The following SLC66A2 variants were observed in gnomAD, a reference collection of about 807,000 sequenced individuals.
SLC66A2 encodes solute carrier family 66 member 2, also known as PQ loop repeat containing 1.
Under a neutral mutation model 25.5 loss-of-function variants are expected in SLC66A2, and 23 were observed. The ratio of observed to expected loss-of-function variants is 0.90; its 90% CI spans 0.65 to 1.28. SLC66A2 has a LOEUF of 1.28. Ranked by LOEUF, SLC66A2 falls within the 50% of genes most tolerant of loss-of-function variation. The pLI is 0.00. For synonymous variants in SLC66A2, 193 were observed against 166.5 expected, an observed-to-expected ratio of 1.16 and a Z score of -1.23; for missense variants, 396 against 373.1, an observed-to-expected ratio of 1.06 and a Z score of -0.51.
intron 5 of SLC66A2, among the ~76,000 whole-genome samples, chr18:79,909,820 C>G (rs1431831083): frequency 8.0e-6 from 1 of 124,896 alleles, no homozygotes; most frequent in Non-Finnish European, 1.7e-5. Context: ...GAGTCCCCAA[C>G]CTTCCCCACC....
rs1491566993 is a variant in SLC66A2 at position 79,904,342 on chromosome 18, CAG to C, written c.609-161_609-160del. ...GCAGTCGGCGGGGAGGCCTGGGGCT[CAG>C]GGGGCACCCAGGGGGTTGAGGGGAC... On this transcript the variant is annotated intron_variant, in intron 5 of 5. Transcript: ENST00000397778. This position sits in a 1 kb window ranked among gnomAD's most constrained non-coding sequence, Gnocchi z 6.3. Among the ~76,000 whole-genome samples, 2 of 151,412 alleles carry C rather than the reference CAG, an allele frequency of 1.3e-5. No homozygotes were observed. Among genetic ancestry groups the C allele is most frequent in the Admixed American group, 6.6e-5 (1 of 15,226 alleles).
chr18:79,944,598 G>C (rs183835799), intron 2 of SLC66A2: 10 of 152,474 alleles, frequency 6.6e-5, no homozygotes, highest in African/African-American at 2.4e-4. Flanking sequence ...CTCCAAGGCT[G>C]GGCTGTGTGT....
chr18:79,925,253 G>T (rs530704705), intron 4 of SLC66A2, among the ~76,000 whole-genome samples: 4 of 152,108 alleles, frequency 2.6e-5, no homozygotes, highest in Non-Finnish European at 4.4e-5. Flanking sequence ...TGCTGAGCCC[G>T]ACAGAAATCC....
intron 3 of SLC66A2, 122 bp downstream of exon 3, chr18:79,943,207 A>G (rs1987842843): frequency 8.1e-7 from 1 of 1,233,274 alleles, no homozygotes; most frequent in Non-Finnish European, 1.1e-6. Context: ...GCTGGAGATA[A>G]CAGCACCACT....
chr18:79,913,060 C>G (rs1983473449), intron 5 of SLC66A2, among the ~76,000 whole-genome samples: 2 of 152,192 alleles, frequency 1.3e-5, no homozygotes, highest in African/African-American at 2.4e-5. Context: ...CAGCCCATGT[C>G]CTGGCTGGAC....
At position 79,919,342 on chromosome 18, in the gene SLC66A2, G is replaced by A. The variant is rs187873662; in HGVS notation, c.450C>T (p.Val150=). Residue 150 remains valine (V), a synonymous_variant, in exon 5 of 6, where the codon GTC becomes GTT. Transcript: ENST00000397778. ...AGCCCGCCACGCCCGTGAAGGCCAGGACGCACTGCACGTAGTCCGAGAAGC... is the reference window on the plus strand; with the variant it reads ...AGCCCGCCACGCCCGTGAAGGCCAGAACGCACTGCACGTAGTCCGAGAAGC... ...WSSFSDYVQC[V]LAFTGVAGYI... The A allele has an allele frequency of 4.3e-5, 70 of 1,613,350 alleles. No homozygotes were observed. The East Asian group carries it at 5.8e-4, about 13-fold the overall frequency.
In SLC66A2 at chr18:79,904,262, G is replaced by A. The variant is rs556585165; in HGVS notation, c.609-79C>T. 7.6e-7 allele frequency: 1 copy of A among 1,319,722 alleles called. No homozygotes were observed. The highest frequency in any genetic ancestry group is 1.1e-6 in the Non-Finnish European group (1 of 926,540). 81.8% of individuals were successfully genotyped at this position (1,319,722 alleles called of 1,614,324 possible). The stretch of plus-strand genomic sequence containing the variant: ...AGTCAGTGGGGAGGCCTGGGGCTTA[G>A]ACAGCGGGGAGACCTGGGGCTCAGG... On this transcript the variant is annotated intron_variant, in intron 5 of 5. Coordinates refer to ENST00000397778, the MANE Select transcript of SLC66A2 (RefSeq NM_025078.5). The surrounding 1 kb of genome is among the most constrained non-coding windows in gnomAD (Gnocchi z 6.3).
intron 2 of SLC66A2, among the ~76,000 whole-genome samples, chr18:79,948,354 T>C (rs1305461243): frequency 6.6e-6 from 1 of 151,772 alleles, no homozygotes; most frequent in African/African-American, 2.4e-5. Context: ...ATTAGATAGA[T>C]TCTTTTCTTT....
intron 2 of SLC66A2, among the ~76,000 whole-genome samples, chr18:79,948,659 C>T (rs1408098372): frequency 2.6e-5 from 4 of 152,114 alleles, no homozygotes; most frequent in East Asian, 3.9e-4. Context: ...TTTCTTTTAG[C>T]AACTTTGAAC....
chr18:79,908,675 T>A (rs1260393496), intron 5 of SLC66A2, among the ~76,000 whole-genome samples: 1 of 152,224 alleles, frequency 6.6e-6, no homozygotes, highest in Admixed American at 6.5e-5. Context: ...TGTCCCTGAC[T>A]CTATTCATGT....
At chr18:79,933,165 T>TAC (rs1422110188) in intron 4 of SLC66A2, among the ~76,000 whole-genome samples, 5 of 152,206 alleles carry the variant, frequency 3.3e-5, no homozygotes, top group Non-Finnish European at 5.9e-5. Context: ...ATCAATGTAG[T>TAC]ACATCATCAT....
rs1986154521 is a variant in SLC66A2 at position 79,927,867 on chromosome 18, A to G, written c.391+6102T>C. 6.6e-6 allele frequency among the ~76,000 whole-genome samples: 1 copy of G among 152,206 alleles called. No homozygotes were observed. Among genetic ancestry groups the G allele is most frequent in the African/African-American group, 2.4e-5 (1 of 41,454 alleles). ...CAGACAGACAAGCGCTCACCGCCGCACTGCCCTAACAGCTGCTGAGACACA... is the reference window on the plus strand; with the variant it reads ...CAGACAGACAAGCGCTCACCGCCGCGCTGCCCTAACAGCTGCTGAGACACA... On this transcript the variant is annotated intron_variant, in intron 4 of 5. Coordinates refer to ENST00000397778, the MANE Select transcript of SLC66A2 (RefSeq NM_025078.5). The surrounding 1 kb of genome is among the most constrained non-coding windows in gnomAD (Gnocchi z 6.2).
chr18:79,911,625 C>T (rs1166161155), intron 5 of SLC66A2, among the ~76,000 whole-genome samples: 3 of 152,246 alleles, frequency 2.0e-5, no homozygotes, highest in Admixed American at 6.5e-5. Context: ...GGGGACATTC[C>T]AGCTGCCGGG....
rs1568302697 is a variant in SLC66A2, at chr18:79,916,305, G to GTACCCGTGGTGCTCCCA, written c.608+2878_608+2879insTGGGAGCACCACGGGTA. On this transcript the variant is annotated intron_variant, in intron 5 of 5. Coordinates refer to ENST00000397778, the MANE Select transcript of SLC66A2 (RefSeq NM_025078.5). ...GTGCTCCCGTACCCGTGGTGCTCCC[G>GTACCCGTGGTGCTCCCA]TACCCGTGGTGCTCCCGTACCCACA... 9.0e-4 allele frequency among the ~76,000 whole-genome samples: 98 copies of GTACCCGTGGTGCTCCCA among 108,316 alleles called. 3 individuals carry two copies. Among genetic ancestry groups the GTACCCGTGGTGCTCCCA allele is most frequent in the South Asian group, 1.6e-3 (5 of 3,070 alleles). 71.1% of individuals were successfully genotyped at this position (108,316 alleles called of 152,430 possible).
chr18:79,904,974 G>T lies in SLC66A2; in HGVS notation c.609-791C>A, dbSNP rs1029809089. On this transcript the variant is annotated intron_variant, in intron 5 of 5. Transcript: ENST00000397778. The surrounding 1 kb of genome is among the most constrained non-coding windows in gnomAD (Gnocchi z 6.3). ...ACACAGCCCTCCCCCACCCTGGGGC[G>T]TCCGTCCCGCTCATAAGCCAGGGTG... Among the ~76,000 whole-genome samples the T allele has an allele frequency of 6.6e-6, 1 of 152,200 alleles. No homozygotes were observed. The highest frequency in any genetic ancestry group is 6.5e-5 in the Admixed American group (1 of 15,290).
At chr18:79,906,391 T>G (rs1217014109) in intron 5 of SLC66A2, among the ~76,000 whole-genome samples, 1 of 152,252 alleles carries the variant, frequency 6.6e-6, no homozygotes, top group East Asian at 1.9e-4. Flanking sequence ...CTCTAAGCAT[T>G]GCTTTAGTTG....
intron 3 of SLC66A2, 92 bp from the exon 4 acceptor site, chr18:79,934,114 T>G (rs1986843415): frequency 1.0e-6 from 1 of 963,150 alleles, no homozygotes; most frequent in African/African-American, 1.9e-5. Flanking sequence ...TTCCCAGAAC[T>G]TTTTGCATTT....
In SLC66A2 at chr18:79,904,875, G is replaced by A. The variant is rs1182211342; in HGVS notation, c.609-692C>T. 5.9e-5 allele frequency among the ~76,000 whole-genome samples: 9 copies of A among 152,214 alleles called. No individual in the cohort carries two copies. Among genetic ancestry groups the A allele is most frequent in the South Asian group, 2.1e-4 (1 of 4,836 alleles). ...GTGTGAAATGTTTAAATCAGCGGCCGCTGACCCTTCCACAGCTCCTGAAGC... is the reference window on the plus strand; with the variant it reads ...GTGTGAAATGTTTAAATCAGCGGCCACTGACCCTTCCACAGCTCCTGAAGC... On this transcript the variant is annotated intron_variant, in intron 5 of 5. Transcript: ENST00000397778. This position sits in a 1 kb window ranked among gnomAD's most constrained non-coding sequence, Gnocchi z 6.3.
chr18:79,938,897 C>T (rs1024705516), intron 3 of SLC66A2, among the ~76,000 whole-genome samples: 3 of 152,136 alleles, frequency 2.0e-5, no homozygotes, highest in Non-Finnish European at 2.9e-5. Context: ...AGGATGGTCT[C>T]GAACTCCCGA....
Sources: gnomAD v4.1 joint callset for allele counts (sites outside exome capture counted in the v4.1 genomes callset) on GRCh38, gnomAD v4.1.1 for gene constraint, Gnocchi (gnomAD v3.1) non-coding constraint, MANE v1.5 for transcripts, NCBI Gene and HGNC (gene_info 2026-07-23, HGNC 2026-07-21) for gene names.